SLC23A2: variants seen among roughly 807,000 people sequenced by gnomAD.
SLC23A2 encodes Na(+)/L-ascorbic acid transporter 2.
Under a neutral mutation model 73.3 loss-of-function variants are expected in SLC23A2, and 36 were observed. The ratio of observed to expected loss-of-function variants is 0.49; its 90% CI spans 0.38 to 0.65. The LOEUF is 0.65. Among genes scored for constraint, SLC23A2 ranks in the 30% least tolerant of loss-of-function variants. The pLI, the probability that SLC23A2 is intolerant of heterozygous loss-of-function variation, is 0.00. For missense variants in SLC23A2, 507 were observed against 841.6 expected, an observed-to-expected ratio of 0.60 and a Z score of 4.92; for synonymous variants, 343 against 327.3, an observed-to-expected ratio of 1.05 and a Z score of -0.52.
intron 1 of SLC23A2, among the ~76,000 whole-genome samples, chr20:4,986,228 G>A (rs1335576963): frequency 2.0e-5 from 3 of 152,190 alleles, no homozygotes; most frequent in South Asian, 4.1e-4. Flanking sequence ...AGCAGAGGCG[G>A]GGGCAGGAGG....
chr20:4,910,986 A>G (rs1446294214), intron 4 of SLC23A2, among the ~76,000 whole-genome samples: 5 of 152,214 alleles, frequency 3.3e-5, no homozygotes, highest in Non-Finnish European at 7.3e-5. Context: ...CTAAGCCCCA[A>G]AGTGTTAATG....
At chr20:4,996,488 C>G (rs1167154437) in intron 1 of SLC23A2, among the ~76,000 whole-genome samples, 1 of 151,896 alleles carries the variant, frequency 6.6e-6, no homozygotes, top group African/African-American at 2.4e-5. Flanking sequence ...GAGTTTGAGA[C>G]CAGGCTGGCC....
At position 4,885,025 on chromosome 20, in the gene SLC23A2, G is replaced by A. The variant is rs926953702; in HGVS notation, c.572-202C>T. 3.3e-5 allele frequency among the ~76,000 whole-genome samples: 5 copies of A among 152,212 alleles called. No homozygotes were observed. In the South Asian group the frequency reaches 8.3e-4, roughly 25 times the overall value. On this transcript the variant is annotated intron_variant, in intron 7 of 16. Coordinates refer to ENST00000338244, the MANE Select transcript of SLC23A2 (RefSeq NM_005116.6). ...GCTAATTTAACCAAATGAATTCATC[G>A]ACTAAGAGCTCCCCAAATTGTCAAA...
chr20:4,932,590 G>T lies in SLC23A2; in HGVS notation c.-28C>A, dbSNP rs370870779. 5 of 1,210,576 alleles carry T rather than the reference G, an allele frequency of 4.1e-6. No homozygotes were observed. The highest frequency in any genetic ancestry group is 2.5e-6 in the Non-Finnish European group (2 of 811,536). 75.0% of individuals were successfully genotyped at this position (1,210,576 alleles called of 1,614,324 possible). On this transcript the variant is annotated 5_prime_UTR_variant, in exon 3 of 17. Coordinates refer to ENST00000338244, the MANE Select transcript of SLC23A2 (RefSeq NM_005116.6). ...AGAGAAACGAGTAGTTTACACAGCC[G>T]TTGGGGAGAGCAGCTGGAAGTGAAG...
chr20:4,873,447 G>C (rs1930528937), intron 11 of SLC23A2, among the ~76,000 whole-genome samples: 1 of 152,222 alleles, frequency 6.6e-6, no homozygotes, highest in African/African-American at 2.4e-5. Flanking sequence ...TTGGCCATTA[G>C]TGACTATCAA....
At chr20:4,881,480 AT>A (rs1458340782) in intron 9 of SLC23A2, among the ~76,000 whole-genome samples, 1 of 152,038 alleles carries the variant, frequency 6.6e-6, no homozygotes, top group Non-Finnish European at 1.5e-5. Context: ...TTTTGTTTTA[AT>A]TTGGGGGGAG....
At chr20:4,950,080 A>G (rs376880113) in intron 2 of SLC23A2, among the ~76,000 whole-genome samples, 150 of 152,224 alleles carry the variant, frequency 9.9e-4, no homozygotes, top group African/African-American at 3.4e-3. Flanking sequence ...ACCCGGTTAC[A>G]AACAGTTACT....
intron 2 of SLC23A2, among the ~76,000 whole-genome samples, chr20:4,954,124 A>C (rs553295752): frequency 1.3e-5 from 2 of 152,326 alleles, no homozygotes; most frequent in South Asian, 2.1e-4. Flanking sequence ...AATAAAGCCC[A>C]TAATGGCTAG....
chr20:4,983,522 T>C lies in SLC23A2; in HGVS notation c.-281-12603A>G, dbSNP rs997646016. On this transcript the variant is annotated intron_variant, in intron 1 of 16. Transcript: ENST00000338244. The stretch of plus-strand genomic sequence containing the variant: ...TTAGCCGGGCGTTGTGGCAGGTGCC[T>C]GTAGTCCCAGCTACTTGGGAGGCTG... Among the ~76,000 whole-genome samples, 47 of 151,776 alleles carry C rather than the reference T, an allele frequency of 3.1e-4. 1 individual carries two copies. The East Asian group carries it at 8.9e-3, about 29-fold the overall frequency.
rs1930375293 is a variant in SLC23A2, at chr20:4,869,944, C to G, written c.1212G>C (p.Leu404=). ...SIGDYYACAR[L]SCAPPPPIHA... is the part of the protein sequence containing the mutation. ...GGATGGGGGGGGGTGGGGCACAGGA[C>G]AGCCGTGCACAGGCGTAGTAGTCAC... The change falls in exon 12 of 17, where the codon CTG becomes CTC. Residue 404 remains leucine, a synonymous_variant. Coordinates refer to ENST00000338244, the MANE Select transcript of SLC23A2 (RefSeq NM_005116.6). 6.2e-7 allele frequency: 1 copy of G among 1,613,362 alleles called. No individual in the cohort carries two copies. Among genetic ancestry groups the G allele is most frequent in the African/African-American group, 1.3e-5 (1 of 74,820 alleles).
intron 2 of SLC23A2, among the ~76,000 whole-genome samples, chr20:4,963,622 T>C (rs1479054788): frequency 6.6e-6 from 1 of 151,454 alleles, no homozygotes; most frequent in East Asian, 1.9e-4. Context: ...CCAAGATGGG[T>C]GGATCACTTG....
intron 1 of SLC23A2, among the ~76,000 whole-genome samples, chr20:4,972,143 G>A (rs2087570363): frequency 6.6e-6 from 1 of 152,184 alleles, no homozygotes; most frequent in Non-Finnish European, 1.5e-5. Context: ...CCAGCCATGA[G>A]CCTGGCCCTC....
intron 2 of SLC23A2, among the ~76,000 whole-genome samples, chr20:4,933,965 CA>C (rs1406580763): frequency 6.6e-6 from 1 of 152,030 alleles, no homozygotes; most frequent in Non-Finnish European, 1.5e-5. Context: ...TTGGATGAGC[CA>C]GGGGAAAAAC....
At chr20:4,961,290 C>G (rs1265856609) in intron 2 of SLC23A2, among the ~76,000 whole-genome samples, 1 of 152,032 alleles carries the variant, frequency 6.6e-6, no homozygotes, top group African/African-American at 2.4e-5. Context: ...ACCTTGTTAG[C>G]CAGGATGGTC....
Position 4,928,477 on chromosome 20 carries a change from G to A in SLC23A2, c.108+3978C>T, listed in dbSNP as rs148443402. ...GTAATCTACTTTATCTTGAGCTTTGGGAGTTCAGACTAAGGTTCATCTTGG... is the reference window on the plus strand; with the variant it reads ...GTAATCTACTTTATCTTGAGCTTTGAGAGTTCAGACTAAGGTTCATCTTGG... On this transcript the variant is annotated intron_variant, in intron 3 of 16. Transcript: ENST00000338244. Among the ~76,000 whole-genome samples, 932 of 151,958 alleles carry A rather than the reference G, an allele frequency of 6.1e-3. 12 individuals carry two copies. The highest frequency in any genetic ancestry group is 0.02 in the African/African-American group (844 of 41,408).
At chr20:4,989,790 A>G (rs1970711907) in intron 1 of SLC23A2, among the ~76,000 whole-genome samples, 1 of 152,136 alleles carries the variant, frequency 6.6e-6, no homozygotes, top group East Asian at 1.9e-4. Flanking sequence ...CCCATTTTAG[A>G]TTTGGGGATT....
At chr20:4,874,781 G>T in intron 9 of SLC23A2, 85 bp from the exon 10 acceptor site, 1 of 1,171,140 alleles carries the variant, frequency 8.5e-7, no homozygotes, top group Non-Finnish European at 1.2e-6. Context: ...TGGCAAAATT[G>T]ACATAGTGTT....
intron 15 of SLC23A2, 148 bp from the exon 16 acceptor site, chr20:4,859,532 G>T (rs1052593493): frequency 1.5e-6 from 1 of 648,168 alleles, no homozygotes. Context: ...ACATGTAGAT[G>T]AATTTTTGCC....
chr20:4,989,236 CAAAAA>C (rs138535169), intron 1 of SLC23A2, among the ~76,000 whole-genome samples: 1 of 72,948 alleles, frequency 1.4e-5, no homozygotes, highest in Admixed American at 1.5e-4. Flanking sequence ...GACCCCGTCT[CAAAAA>C]AAAAAAAAAG....
Sources: allele counts gnomAD v4.1 joint callset (sites outside exome capture counted in the v4.1 genomes callset), GRCh38; gene constraint gnomAD v4.1.1; transcripts MANE v1.5; gene names NCBI Gene and HGNC (gene_info 2026-07-23, HGNC 2026-07-21).